CSMD1: variants seen among roughly 807,000 people sequenced by gnomAD.
The protein encoded by CSMD1 is CUB and sushi domain-containing protein 1.
A neutral mutation model predicts 417.5 loss-of-function variants in CSMD1; 213 were observed. The observed-to-expected ratio is 0.51, with a 90% CI of 0.46 to 0.57. The LOEUF is 0.57. Ranked by LOEUF, CSMD1 falls within the 20% of genes least tolerant of loss-of-function variation. The pLI is 0.00. For synonymous variants in CSMD1, 2,862 were observed against 1,736.8 expected, an observed-to-expected ratio of 1.65 and a Z score of -16.11; for missense variants, 6,923 against 4,529.7, an observed-to-expected ratio of 1.53 and a Z score of -15.17.
chr8:3,643,594 G>A (rs183335550), intron 7 of CSMD1, among the ~76,000 whole-genome samples: 1,553 of 151,638 alleles, frequency 0.01, 23 homozygotes, highest in South Asian at 0.044. Context: ...CCAACTACCC[G>A]GGCGGCTGAG....
At chr8:3,031,761 T>C (rs2128977877) in intron 50 of CSMD1, among the ~76,000 whole-genome samples, 1 of 152,126 alleles carries the variant, frequency 6.6e-6, no homozygotes, top group Non-Finnish European at 1.5e-5. Flanking sequence ...CCATCTACAG[T>C]ATCAATTTCC....
At chr8:3,748,524 C>T (rs1410513198) in intron 6 of CSMD1, among the ~76,000 whole-genome samples, 1 of 152,136 alleles carries the variant, frequency 6.6e-6, no homozygotes, top group Non-Finnish European at 1.5e-5. Context: ...CGTAACTGAG[C>T]ACTTTCCAGG....
intron 1 of CSMD1, among the ~76,000 whole-genome samples, chr8:4,823,112 T>A (rs1272432603): frequency 6.6e-6 from 1 of 152,112 alleles, no homozygotes; most frequent in Non-Finnish European, 1.5e-5. Flanking sequence ...ATGAATATAC[T>A]GGTGTCAAAC....
chr8:4,404,077 C>G (rs76066847), intron 3 of CSMD1, among the ~76,000 whole-genome samples: 7 of 152,102 alleles, frequency 4.6e-5, no homozygotes, highest in African/African-American at 1.7e-4. Context: ...GAGCTTTTTA[C>G]GTGCTTTTAC....
intron 23 of CSMD1, among the ~76,000 whole-genome samples, chr8:3,312,175 G>A (rs900902211): frequency 6.6e-6 from 1 of 152,122 alleles, no homozygotes; most frequent in Non-Finnish European, 1.5e-5. Context: ...ATTTTGTACA[G>A]AAATATGTTT....
chr8:2,951,336 T>C, intron 65 of CSMD1, 61 bp from the exon 66 acceptor site: 1 of 1,504,682 alleles, frequency 6.6e-7, no homozygotes, highest in Non-Finnish European at 8.9e-7. Context: ...ATTCAGACAT[T>C]ATTAAACACA....
In CSMD1 at chr8:4,269,923, G is replaced by C. The variant is rs537387616; in HGVS notation, c.415+150030C>G. Reference sequence around the variant, plus strand: ...TTCCATTACAGATGGAGGAAGAAGGGCGTTCAAGCCAACAGTTGGGGGAAA... The same window carrying C: ...TTCCATTACAGATGGAGGAAGAAGGCCGTTCAAGCCAACAGTTGGGGGAAA... On this transcript the variant is annotated intron_variant, in intron 3 of 69. Transcript: ENST00000635120. Among the ~76,000 whole-genome samples the C allele has an allele frequency of 5.3e-5, 8 of 152,260 alleles. No homozygotes were observed. The South Asian group carries it at 1.4e-3, about 28-fold the overall frequency.
chr8:4,262,375 G>A lies in CSMD1; in HGVS notation c.415+157578C>T, dbSNP rs569100226. 9.6e-4 allele frequency among the ~76,000 whole-genome samples: 146 copies of A among 152,310 alleles called. 9 individuals carry two copies. Among genetic ancestry groups the A allele is most frequent in the African/African-American group, 1.3e-3 (55 of 41,560 alleles). On this transcript the variant is annotated intron_variant, in intron 3 of 69. Coordinates refer to ENST00000635120, the MANE Select transcript of CSMD1 (RefSeq NM_033225.6). ...GATTCCCAGGACACATAAGCAGGCTGAAAGGAATCCCAAACCAGAATAAAG... is the reference window on the plus strand; with the variant it reads ...GATTCCCAGGACACATAAGCAGGCTAAAAGGAATCCCAAACCAGAATAAAG...
At chr8:4,152,964 C>T (rs566377441) in intron 3 of CSMD1, among the ~76,000 whole-genome samples, 4 of 152,194 alleles carry the variant, frequency 2.6e-5, no homozygotes, top group African/African-American at 7.2e-5. Flanking sequence ...TGGTATTTGC[C>T]TTCATTTTTC....
intron 23 of CSMD1, among the ~76,000 whole-genome samples, chr8:3,326,349 G>A (rs1289705574): frequency 1.3e-5 from 2 of 152,138 alleles, no homozygotes; most frequent in Non-Finnish European, 2.9e-5. Flanking sequence ...TGGTCATCGT[G>A]GTACCTTCCA....
At chr8:4,654,108 GC>G in intron 1 of CSMD1, among the ~76,000 whole-genome samples, 1 of 152,158 alleles carries the variant, frequency 6.6e-6, no homozygotes, top group South Asian at 2.1e-4. Context: ...GCAAACCAGG[GC>G]CGATGTTACA....
intron 4 of CSMD1, among the ~76,000 whole-genome samples, chr8:4,010,090 G>A (rs1816428843): frequency 6.6e-6 from 1 of 152,106 alleles, no homozygotes; most frequent in Admixed American, 6.5e-5. Flanking sequence ...AACTACTTCT[G>A]ACATATTTTC....
chr8:4,140,691 T>A (rs13269109), intron 3 of CSMD1, among the ~76,000 whole-genome samples: 45,005 of 149,982 alleles, frequency 0.3, 8,400 homozygotes, highest in Non-Finnish European at 0.39. Flanking sequence ...AATAATAGAG[T>A]AGAAAACCCA....
At chr8:3,338,659 G>A (rs1279030670) in intron 23 of CSMD1, among the ~76,000 whole-genome samples, 4 of 152,092 alleles carry the variant, frequency 2.6e-5, no homozygotes, top group Admixed American at 6.5e-5. Flanking sequence ...TTTCAGGGCT[G>A]GCCAGTGCAC....
intron 2 of CSMD1, among the ~76,000 whole-genome samples, chr8:4,450,560 G>A (rs532920556): frequency 2.0e-4 from 31 of 152,154 alleles, no homozygotes; most frequent in Admixed American, 4.6e-4. Flanking sequence ...ACTTGAACCC[G>A]GGAGGCAGAG....
chr8:4,524,546 G>A (rs1696385776), intron 2 of CSMD1, among the ~76,000 whole-genome samples: 2 of 147,904 alleles, frequency 1.4e-5, no homozygotes, highest in African/African-American at 2.5e-5. Context: ...GCATTTTCAT[G>A]ACCATTTTTC....
chr8:3,400,933 T>A (rs1812002958), intron 15 of CSMD1, among the ~76,000 whole-genome samples: 1 of 115,008 alleles, frequency 8.7e-6, no homozygotes, highest in African/African-American at 3.3e-5. Context: ...AACACTTGAT[T>A]TTTTGTGATA....
At chr8:4,443,627 C>G (rs898848499) in intron 2 of CSMD1, among the ~76,000 whole-genome samples, 2 of 152,214 alleles carry the variant, frequency 1.3e-5, no homozygotes, top group South Asian at 2.1e-4. Flanking sequence ...AAAGAATGTA[C>G]TGGAACAGCC....
intron 5 of CSMD1, among the ~76,000 whole-genome samples, chr8:3,969,204 C>T (rs541733026): frequency 2.0e-5 from 3 of 152,164 alleles, no homozygotes; most frequent in East Asian, 1.9e-4. Context: ...GAGCCTAGAT[C>T]GTGACACTGC....
Sources: allele counts gnomAD v4.1 joint callset (sites outside exome capture counted in the v4.1 genomes callset), GRCh38; gene constraint gnomAD v4.1.1; transcripts MANE v1.5; gene names NCBI Gene and HGNC (gene_info 2026-07-23, HGNC 2026-07-21).